SDAD1: variants seen among roughly 807,000 people sequenced by gnomAD.
SDAD1 encodes the protein SDA1 domain containing 1, also known as protein SDA1 homolog.
Under a neutral mutation model 100.3 loss-of-function variants are expected in SDAD1, and 79 were observed. The observed-to-expected ratio is 0.79, with a 90% CI of 0.66 to 0.95. The LOEUF is 0.95. Among genes scored for constraint, SDAD1 ranks in the 40% least tolerant of loss-of-function variants. The probability of loss-of-function intolerance (pLI) is 0.00; values close to 1 mark genes in which losing one functional copy is unlikely to be tolerated. For synonymous variants in SDAD1, 267 were observed against 271.4 expected (o/e 0.98, Z 0.16); for missense variants, 790 against 810.9 (o/e 0.97, Z 0.31).
rs922401660 is a variant in SDAD1, at chr4:75,950,405, A to G, written c.*345T>C. 8.9e-6 allele frequency: 2 copies of G among 223,744 alleles called. No individual in the cohort carries two copies. The highest frequency in any genetic ancestry group is 1.8e-5 in the Non-Finnish European group (2 of 109,708). The allele number at this position is 223,744 out of a possible 1,614,324, so 13.9% of individuals were successfully genotyped here. Reference sequence around the variant, plus strand: ...TATTTACACTGCACTGTAAATACACATATGTGTGTCCACCCTCACAGCTAA... The same window carrying G: ...TATTTACACTGCACTGTAAATACACGTATGTGTGTCCACCCTCACAGCTAA... On this transcript the variant is annotated 3_prime_UTR_variant, in exon 22 of 22. Transcript: ENST00000356260.
chr4:75,981,879 A>G, intron 2 of SDAD1, 54 bp downstream of exon 2: 1 of 1,225,632 alleles, frequency 8.2e-7, no homozygotes, highest in Non-Finnish European at 1.2e-6. Flanking sequence ...GTGAAAAAAC[A>G]TTCAGCAAAC....
intron 20 of SDAD1, among the ~76,000 whole-genome samples, chr4:75,956,392 G>C (rs568302867): frequency 7.4e-6 from 1 of 134,368 alleles, no homozygotes; most frequent in Admixed American, 8.4e-5. Context: ...GAGACAGGTA[G>C]ACTGTTTTTT....
chr4:75,957,869 GA>G lies in SDAD1; in HGVS notation c.1555del (p.Ser519ProfsTer12), dbSNP rs1467198185. ...DGEWIDVQHS[S>X]DEEQQEISKK... ...TACGATTTCTTGCTGTTCTTCATCG[GA>G]AGAGTGTTGCACATCAATCCATTCA... On this transcript the variant is annotated frameshift_variant, in exon 18 of 22. Coordinates refer to ENST00000356260, the MANE Select transcript of SDAD1 (RefSeq NM_018115.4). LOFTEE classifies it high-confidence loss of function. The G allele has an allele frequency of 6.2e-7, 1 of 1,613,780 alleles. No individual in the cohort carries two copies. The highest frequency in any genetic ancestry group is 8.5e-7 in the Non-Finnish European group (1 of 1,179,988).
intron 1 of SDAD1, among the ~76,000 whole-genome samples, chr4:75,984,271 C>T (rs1257432481): frequency 6.6e-6 from 1 of 152,154 alleles, no homozygotes; most frequent in East Asian, 1.9e-4. Flanking sequence ...AAGAGGTCCT[C>T]CTGCCTCAGC....
intron 14 of SDAD1, among the ~76,000 whole-genome samples, chr4:75,962,457 C>G (rs1324880387): frequency 6.6e-6 from 1 of 152,160 alleles, no homozygotes; most frequent in South Asian, 2.1e-4. Flanking sequence ...AGTTCTAGAT[C>G]CTTGAGGAAT....
rs148355357 is a variant in SDAD1, at chr4:75,989,935, C to G, written c.90+817G>C. ...TAATTGTGTTAGCCACTGAACAAAT[C>G]ACAATCTGGTAGAAGCACAAACATG... On this transcript the variant is annotated intron_variant, in intron 1 of 21. Transcript: ENST00000356260. Among the ~76,000 whole-genome samples the G allele has an allele frequency of 2.2e-3, 331 of 152,300 alleles. 1 individual carries two copies. Among genetic ancestry groups the G allele is most frequent in the Non-Finnish European group, 4.1e-3 (280 of 68,024 alleles).
chr4:75,974,525 G>T (rs1157066362), intron 6 of SDAD1, among the ~76,000 whole-genome samples: 3 of 151,566 alleles, frequency 2.0e-5, no homozygotes, highest in African/African-American at 4.9e-5. Flanking sequence ...GGTCCAGCCT[G>T]ATCAACATAG....
At chr4:75,959,434 T>C (rs1008081212) in intron 17 of SDAD1, among the ~76,000 whole-genome samples, 1 of 151,792 alleles carries the variant, frequency 6.6e-6, no homozygotes, top group African/African-American at 2.4e-5. Context: ...TGAAACCCTA[T>C]CTCTACTAAA....
intron 14 of SDAD1, among the ~76,000 whole-genome samples, chr4:75,962,334 T>C (rs187062578): frequency 6.6e-6 from 1 of 152,218 alleles, no homozygotes; most frequent in Non-Finnish European, 1.5e-5. Flanking sequence ...GTCTTTGCTA[T>C]TGTGAATAGT....
At chr4:75,990,286 C>CG (rs1359534345) in intron 1 of SDAD1, among the ~76,000 whole-genome samples, 1 of 136,424 alleles carries the variant, frequency 7.3e-6, no homozygotes, top group African/African-American at 2.7e-5. Context: ...CCCCCCCCCC[C>CG]CTTTCCTGGC....
intron 1 of SDAD1, among the ~76,000 whole-genome samples, chr4:75,986,703 A>AAAAAC (rs571159353): frequency 2.5e-3 from 387 of 152,246 alleles, no homozygotes; most frequent in African/African-American, 8.1e-3. Context: ...CTGCCATCTT[A>AAAAAC]AAAACAAAAC....
intron 12 of SDAD1, among the ~76,000 whole-genome samples, chr4:75,966,915 C>T (rs537475293): frequency 1.3e-5 from 2 of 152,072 alleles, no homozygotes; most frequent in South Asian, 2.1e-4. Flanking sequence ...TACAGGTGCC[C>T]GACACCACAT....
Position 75,957,917 on chromosome 4 carries a change from C to T in SDAD1, c.1508G>A (p.Ser503Asn). The change falls in exon 18 of 22, where the codon AGT (serine) becomes AAT (asparagine). Residue 503 changes from serine to asparagine, a missense_variant. By Grantham distance (46) the Ser-to-Asn change is conservative. Transcript: ENST00000356260. ...TTCACCATCAGCATCCTCCTCCTCA[C>T]TGAGACTGGTACTTTCCCATCCATC... is the stretch of plus-strand genomic sequence containing the variant. ...DEDGWESTSL[S>N]EEEDADGEWI... 1.2e-6 allele frequency: 2 copies of T among 1,612,984 alleles called. No homozygotes were observed. The highest frequency in any genetic ancestry group is 1.7e-6 in the Non-Finnish European group (2 of 1,180,014).
intron 14 of SDAD1, 128 bp downstream of exon 14, chr4:75,964,007 A>T (rs1729395548): frequency 1.6e-6 from 1 of 621,484 alleles, no homozygotes; most frequent in African/African-American, 2.0e-5. Flanking sequence ...TCCCAAAAAG[A>T]CTGAAATATA....
chr4:75,952,739 CT>C (rs1232999937), intron 21 of SDAD1, among the ~76,000 whole-genome samples: 1 of 152,186 alleles, frequency 6.6e-6, no homozygotes, highest in African/African-American at 2.4e-5. Context: ...CTACATGTGA[CT>C]ACTGAGCATT....
At chr4:75,961,421 T>C (rs1052277011) in intron 14 of SDAD1, 113 bp from the exon 15 acceptor site, 5 of 758,390 alleles carry the variant, frequency 6.6e-6, no homozygotes, top group East Asian at 2.7e-5. Flanking sequence ...TTGAGTTTTA[T>C]ATAGCTTAGG....
At chr4:75,967,061 C>T (rs565279813) in intron 12 of SDAD1, among the ~76,000 whole-genome samples, 64 of 152,280 alleles carry the variant, frequency 4.2e-4, no homozygotes, top group African/African-American at 1.5e-3. Context: ...GCCACTGTGC[C>T]CGGCAGTTGT....
chr4:75,969,695 A>C (rs980398593), intron 10 of SDAD1, among the ~76,000 whole-genome samples: 5 of 152,172 alleles, frequency 3.3e-5, no homozygotes, highest in Non-Finnish European at 7.3e-5. Context: ...GGGGAGGCTC[A>C]TTGGAAATGC....
chr4:75,973,536 T>C, intron 7 of SDAD1, 145 bp from the exon 8 acceptor site: 1 of 610,582 alleles, frequency 1.6e-6, no homozygotes. Context: ...CATTTTTTCT[T>C]AATTAAAAGT....
Sources: gnomAD v4.1 joint callset for allele counts (sites outside exome capture counted in the v4.1 genomes callset) on GRCh38, gnomAD v4.1.1 for gene constraint, MANE v1.5 for transcripts, NCBI Gene and HGNC (gene_info 2026-07-23, HGNC 2026-07-21) for gene names.